The following DLG2 variants were observed in gnomAD, a reference collection of about 807,000 sequenced individuals.
The protein encoded by DLG2 is discs large MAGUK scaffold protein 2.
DLG2 carries 45 observed loss-of-function variants against 132.5 expected under a neutral mutation model. That is an observed-to-expected ratio of 0.34 (90% CI 0.27 to 0.44). The LOEUF (loss-of-function observed/expected upper bound fraction) is 0.44, where lower values mean the gene tolerates loss of function less well. DLG2 is among the 20% of genes least tolerant of loss of function. The pLI, the probability that DLG2 is intolerant of heterozygous loss-of-function variation, is 1.00. For missense variants in DLG2, 1,045 were observed against 1,196.9 expected, an observed-to-expected ratio of 0.87 and a Z score of 1.87; for synonymous variants, 424 against 419.6, an observed-to-expected ratio of 1.01 and a Z score of -0.13.
chr11:84,877,338 C>G (rs920720574), intron 6 of DLG2, among the ~76,000 whole-genome samples: 11 of 151,894 alleles, frequency 7.2e-5, no homozygotes, highest in Non-Finnish European at 1.3e-4. Context: ...TTTTAAGTCT[C>G]TAAGAACTGA....
intron 7 of DLG2, among the ~76,000 whole-genome samples, chr11:84,303,209 T>C (rs1457102915): frequency 6.6e-6 from 1 of 152,134 alleles, no homozygotes; most frequent in Non-Finnish European, 1.5e-5. Context: ...TTGAGTAAAA[T>C]AGATTAGAGA....
chr11:85,312,822 A>G (rs2152810712), intron 3 of DLG2, among the ~76,000 whole-genome samples: 1 of 152,164 alleles, frequency 6.6e-6, no homozygotes, highest in East Asian at 1.9e-4. Context: ...CACTTTTATC[A>G]TTAAATTGAT....
chr11:85,021,223 G>T, intron 6 of DLG2: 2 of 1,259,276 alleles, frequency 1.6e-6, no homozygotes, highest in Non-Finnish European at 2.3e-6. Context: ...CTGACGTTTC[G>T]AGGGCACTAC....
At position 84,228,792 on chromosome 11, in the gene DLG2, A is replaced by G. The variant is rs35521062; in HGVS notation, c.573+22446T>C. On this transcript the variant is annotated intron_variant, in intron 8 of 27. Transcript: ENST00000376104. ...ATTTCAGCCCAATGCTTGTAATGAA[A>G]TCATGGCAGGCCAGTGTAGTACATT... is the stretch of plus-strand genomic sequence containing the variant. Among the ~76,000 whole-genome samples, 151 of 152,354 alleles carry G rather than the reference A, an allele frequency of 9.9e-4. 1 individual carries two copies. The highest frequency in any genetic ancestry group is 3.3e-3 in the African/African-American group (137 of 41,580).
At position 85,105,688 on chromosome 11, in the gene DLG2, C is replaced by A. The variant is rs940141124; in HGVS notation, c.357+5973G>T. Among the ~76,000 whole-genome samples, 3 of 151,830 alleles carry A rather than the reference C, an allele frequency of 2.0e-5. No individual in the cohort carries two copies. In the South Asian group the frequency reaches 6.2e-4, roughly 31 times the overall value. On this transcript the variant is annotated intron_variant, in intron 6 of 27. Transcript: ENST00000376104. ...TGATTATCTGATAATATCCTGGCTT[C>A]GATTTATAAGAGGACTGCTGATAGC...
chr11:84,694,912 C>A (rs1359210487), intron 6 of DLG2, among the ~76,000 whole-genome samples: 1 of 151,492 alleles, frequency 6.6e-6, no homozygotes, highest in Non-Finnish European at 1.5e-5. Flanking sequence ...TTTGTATAGT[C>A]CAAATTGTCT....
chr11:85,086,424 G>C (rs1361533900), intron 6 of DLG2, among the ~76,000 whole-genome samples: 4 of 151,932 alleles, frequency 2.6e-5, no homozygotes, highest in Non-Finnish European at 2.9e-5. Flanking sequence ...TCAGACACTT[G>C]GTATGAGCAC....
chr11:83,534,855 G>A (rs965949231), intron 20 of DLG2, among the ~76,000 whole-genome samples: 7 of 152,164 alleles, frequency 4.6e-5, no homozygotes, highest in Non-Finnish European at 1.0e-4. Flanking sequence ...AGGCAGGAGA[G>A]TCACTTGAAC....
intron 9 of DLG2, among the ~76,000 whole-genome samples, chr11:84,119,915 A>G (rs1178143791): frequency 6.6e-6 from 1 of 152,148 alleles, no homozygotes; most frequent in Non-Finnish European, 1.5e-5. Flanking sequence ...AATGCCTCCT[A>G]CTGACTTTGT....
At chr11:84,481,019 G>A (rs1049244460) in intron 7 of DLG2, among the ~76,000 whole-genome samples, 39 of 151,992 alleles carry the variant, frequency 2.6e-4, no homozygotes, top group Non-Finnish European at 4.4e-5. Flanking sequence ...GATTACAGGT[G>A]TGAGCCACTG....
At chr11:84,441,542 A>C (rs1602176850) in intron 7 of DLG2, among the ~76,000 whole-genome samples, 1 of 152,226 alleles carries the variant, frequency 6.6e-6, no homozygotes, top group Admixed American at 6.5e-5. Context: ...AGTTACTTCT[A>C]TACAAACTAG....
Position 84,513,321 on chromosome 11 carries a change from T to C in DLG2, c.519+21249A>G, listed in dbSNP as rs1051919290. 4.0e-5 allele frequency among the ~76,000 whole-genome samples: 6 copies of C among 151,752 alleles called. No individual in the cohort carries two copies. The South Asian group carries it at 1.0e-3, about 26-fold the overall frequency. On this transcript the variant is annotated intron_variant, in intron 7 of 27. Transcript: ENST00000376104. ...ATACCAATGACATTCTTCACAGAAATAGAAAAAAGACAATCCTAAAATTTA... is the reference window on the plus strand; with the variant it reads ...ATACCAATGACATTCTTCACAGAAACAGAAAAAAGACAATCCTAAAATTTA...
chr11:84,123,135 CTTA>C (rs1221175730), intron 9 of DLG2, among the ~76,000 whole-genome samples: 1 of 152,116 alleles, frequency 6.6e-6, no homozygotes, highest in East Asian at 1.9e-4. Flanking sequence ...TCCTCTGCTA[CTTA>C]TTATATGTTT....
At chr11:84,031,028 C>T (rs2095674630) in intron 11 of DLG2, among the ~76,000 whole-genome samples, 1 of 152,046 alleles carries the variant, frequency 6.6e-6, no homozygotes, top group Admixed American at 6.6e-5. Context: ...GAGGAGAGCT[C>T]AGTTCTATCC....
intron 7 of DLG2, among the ~76,000 whole-genome samples, chr11:84,335,160 C>CAAAAAAAA (rs58944265): frequency 1.6e-5 from 1 of 62,666 alleles, no homozygotes. Context: ...ATAAAGAAAG[C>CAAAAAAAA]AAAAAAAAAA....
chr11:83,921,191 A>G (rs2077816750), intron 15 of DLG2, among the ~76,000 whole-genome samples: 1 of 152,130 alleles, frequency 6.6e-6, no homozygotes, highest in Non-Finnish European at 1.5e-5. Context: ...TGGGTAGGTA[A>G]CAAGATGATA....
chr11:83,699,590 G>A (rs1415667785), intron 18 of DLG2, among the ~76,000 whole-genome samples: 1 of 150,288 alleles, frequency 6.7e-6, no homozygotes, highest in Non-Finnish European at 1.5e-5. Flanking sequence ...GGTGCCTGCA[G>A]TCCCAGTTAC....
chr11:83,781,115 G>A (rs1399340392), intron 18 of DLG2, among the ~76,000 whole-genome samples: 1 of 152,124 alleles, frequency 6.6e-6, no homozygotes, highest in Non-Finnish European at 1.5e-5. Flanking sequence ...CAAAACTCTA[G>A]AATAATTCAT....
At chr11:84,617,671 C>T (rs1020755219) in intron 6 of DLG2, among the ~76,000 whole-genome samples, 1 of 151,970 alleles carries the variant, frequency 6.6e-6, no homozygotes, top group Non-Finnish European at 1.5e-5. Flanking sequence ...TTTATGTTTT[C>T]ATTCATTCAA....
Sources: gnomAD v4.1 joint callset for allele counts (sites outside exome capture counted in the v4.1 genomes callset) on GRCh38, gnomAD v4.1.1 for gene constraint, MANE v1.5 for transcripts, NCBI Gene and HGNC (gene_info 2026-07-23, HGNC 2026-07-21) for gene names.